The following NEK7 variants were observed in gnomAD, a reference collection of about 807,000 sequenced individuals.
NEK7 encodes NIMA related kinase 7.
In NEK7, 18 loss-of-function variants were observed where a neutral mutation model predicts 44.6. The ratio of observed to expected loss-of-function variants is 0.40; its 90% CI spans 0.28 to 0.60. The LOEUF (loss-of-function observed/expected upper bound fraction) is 0.60. NEK7 is among the 20% of genes least tolerant of loss of function. The pLI is 0.38. For synonymous variants in NEK7, 130 were observed against 121.1 expected (o/e 1.07, Z -0.48); for missense variants, 256 against 366.5 (o/e 0.70, Z 2.46).
At chr1:198,301,028 A>G (rs1379376984) in intron 9 of NEK7, among the ~76,000 whole-genome samples, 2 of 152,222 alleles carry the variant, frequency 1.3e-5, no homozygotes, top group Admixed American at 6.5e-5. Context: ...AGTCATCAAA[A>G]TTATCTATTT....
At chr1:198,190,963 T>G (rs9628686) in intron 1 of NEK7, among the ~76,000 whole-genome samples, 4,195 of 152,212 alleles carry the variant, frequency 0.028, 197 homozygotes, top group African/African-American at 0.095. Flanking sequence ...TATTTCATAC[T>G]TTGATGTATT....
At chr1:198,277,500 T>G (rs1296740967) in intron 5 of NEK7, among the ~76,000 whole-genome samples, 1 of 151,902 alleles carries the variant, frequency 6.6e-6, no homozygotes, top group African/African-American at 2.4e-5. Flanking sequence ...ATTTGTTTAA[T>G]TTTTAATAAA....
intron 1 of NEK7, among the ~76,000 whole-genome samples, chr1:198,228,943 G>T (rs562680287): frequency 6.6e-6 from 1 of 152,246 alleles, no homozygotes; most frequent in South Asian, 2.1e-4. Context: ...CCTGTCTTGT[G>T]CCCGTTTTCA....
chr1:198,184,262 T>G (rs1478499044), intron 1 of NEK7, among the ~76,000 whole-genome samples: 1 of 152,176 alleles, frequency 6.6e-6, no homozygotes, highest in Admixed American at 6.5e-5. Flanking sequence ...TATGGAATGT[T>G]TCACCTATTC....
rs530305688 is a variant in NEK7 at position 198,316,755 on chromosome 1, A to G, written c.799-2657A>G. 1.3e-3 allele frequency among the ~76,000 whole-genome samples: 202 copies of G among 152,360 alleles called. 1 individual carries two copies. The highest frequency in any genetic ancestry group is 4.3e-3 in the African/African-American group (178 of 41,586). ...TAACAAAGTGTCTGGTACATAATAA[A>G]TACTCCATTGGAAACTATTGAATGA... is the stretch of plus-strand genomic sequence containing the variant. On this transcript the variant is annotated intron_variant, in intron 9 of 9. Transcript: ENST00000367385.
intron 2 of NEK7, among the ~76,000 whole-genome samples, chr1:198,241,903 G>T (rs1359743550): frequency 6.6e-6 from 1 of 152,126 alleles, no homozygotes. Flanking sequence ...GCCAATAATT[G>T]TCTTGGCCCA....
Position 198,278,051 on chromosome 1 carries a change from C to T in NEK7, c.463C>T (p.Arg155Ter), listed in dbSNP as rs778458670. 1.9e-6 allele frequency: 3 copies of T among 1,556,540 alleles called. No homozygotes were observed. Among genetic ancestry groups the T allele is most frequent in the South Asian group, 1.1e-5 (1 of 89,502 alleles). Residue 155 changes from arginine (R) to a stop codon, truncating the protein, a stop_gained, in exon 6 of 10, where the codon CGA (arginine) becomes TGA (stop). Transcript: ENST00000367385. LOFTEE classifies it high-confidence loss of function. ...LCSALEHMHS[R>*]RVMHRDIKPA... is the part of the protein sequence containing the mutation. Reference sequence around the variant, plus strand: ...CAGTGCATTGGAACACATGCATTCTCGAAGAGTCATGCATAGAGGTAAGAT... The same window carrying T: ...CAGTGCATTGGAACACATGCATTCTTGAAGAGTCATGCATAGAGGTAAGAT...
At chr1:198,311,850 T>C (rs1450106631) in intron 9 of NEK7, among the ~76,000 whole-genome samples, 10 of 152,180 alleles carry the variant, frequency 6.6e-5, no homozygotes, top group Non-Finnish European at 1.0e-4. Context: ...CAGTATTTTA[T>C]TGAGGATTTT....
At chr1:198,179,316 CA>C (rs1252101933) in intron 1 of NEK7, among the ~76,000 whole-genome samples, 1 of 151,970 alleles carries the variant, frequency 6.6e-6, no homozygotes, top group African/African-American at 2.4e-5. Context: ...GTGTGTAAAA[CA>C]TTTTTTAAAA....
At chr1:198,301,577 A>T (rs1187564455) in intron 9 of NEK7, among the ~76,000 whole-genome samples, 1 of 152,164 alleles carries the variant, frequency 6.6e-6, no homozygotes, top group Non-Finnish European at 1.5e-5. Context: ...AAAGCATAAC[A>T]TTTCTTTTCA....
chr1:198,315,295 C>T (rs993862832), intron 9 of NEK7, among the ~76,000 whole-genome samples: 9 of 152,308 alleles, frequency 5.9e-5, no homozygotes, highest in East Asian at 3.9e-4. Flanking sequence ...TGCTTCGGCT[C>T]GCGCATGGTG....
At chr1:198,260,872 G>T (rs73080750) in intron 3 of NEK7, among the ~76,000 whole-genome samples, 3,978 of 149,390 alleles carry the variant, frequency 0.027, 176 homozygotes, top group African/African-American at 0.093. Context: ...GAAATAGAAG[G>T]GACTGAGCCA....
chr1:198,309,330 TG>T (rs1475014993), intron 9 of NEK7, among the ~76,000 whole-genome samples: 5 of 148,366 alleles, frequency 3.4e-5, no homozygotes, highest in Non-Finnish European at 7.5e-5. Flanking sequence ...GAAAATAGGG[TG>T]GGGTGGGGGA....
chr1:198,239,736 A>G (rs537421587), intron 2 of NEK7, among the ~76,000 whole-genome samples: 3 of 152,140 alleles, frequency 2.0e-5, no homozygotes, highest in Non-Finnish European at 4.4e-5. Flanking sequence ...TACTTTTTCC[A>G]CTAAATATTG....
intron 7 of NEK7, among the ~76,000 whole-genome samples, chr1:198,287,976 G>A (rs750191421): frequency 1.3e-5 from 2 of 152,156 alleles, no homozygotes; most frequent in Non-Finnish European, 2.9e-5. Flanking sequence ...TGTACAATTC[G>A]TGTTGCCCAC....
intron 1 of NEK7, among the ~76,000 whole-genome samples, chr1:198,194,819 T>G (rs1413241769): frequency 6.6e-6 from 1 of 152,154 alleles, no homozygotes; most frequent in Non-Finnish European, 1.5e-5. Flanking sequence ...TTATATTCCT[T>G]TGGGTATATA....
chr1:198,286,098 T>C (rs990230763), intron 7 of NEK7, among the ~76,000 whole-genome samples: 3 of 152,160 alleles, frequency 2.0e-5, no homozygotes, highest in Admixed American at 1.3e-4. Flanking sequence ...AAGAGCTTAT[T>C]TTGGTCAATT....
chr1:198,164,104 C>A (rs766046549), intron 1 of NEK7, among the ~76,000 whole-genome samples: 10 of 151,894 alleles, frequency 6.6e-5, no homozygotes, highest in Non-Finnish European at 1.2e-4. Context: ...ACAACAACAA[C>A]AAAAAATCAG....
intron 9 of NEK7, among the ~76,000 whole-genome samples, chr1:198,304,826 G>C (rs757536890): frequency 6.6e-6 from 1 of 151,976 alleles, no homozygotes; most frequent in East Asian, 1.9e-4. Context: ...TAATGACCTC[G>C]TAATCCCTTA....
Sources: gnomAD v4.1 joint callset for allele counts (sites outside exome capture counted in the v4.1 genomes callset) on GRCh38, gnomAD v4.1.1 for gene constraint, MANE v1.5 for transcripts, NCBI Gene and HGNC (gene_info 2026-07-23, HGNC 2026-07-21) for gene names.